Variants in KIFC3 observed in about 807,000 individuals in gnomAD.
The protein encoded by KIFC3 is kinesin-like protein KIFC3.
Under a neutral mutation model 101.8 loss-of-function variants are expected in KIFC3, and 60 were observed. The ratio of observed to expected loss-of-function variants is 0.59; its 90% confidence interval spans 0.48 to 0.73. The LOEUF is 0.73. KIFC3 is among the 30% of genes least tolerant of loss of function. The pLI, the probability that KIFC3 is intolerant of heterozygous loss-of-function variation, is 0.00. For missense variants in KIFC3, 966 were observed against 1,137.1 expected (o/e 0.85, Z 2.16); for synonymous variants, 476 against 482.7 (o/e 0.99, Z 0.18).
At chr16:57,816,354 CTCCTGGCTTCCTCTTG>C in intron 1 of KIFC3, 1 of 935,224 alleles carries the variant, frequency 1.1e-6, no homozygotes, top group Non-Finnish European at 1.5e-6. Context: ...GGGCCTGCCC[CTCCTGGCTTCCTCTTG>C]AGGAAGGCCT....
At chr16:57,763,086 T>C (rs1597885412) in intron 12 of KIFC3, among the ~76,000 whole-genome samples, 1 of 152,196 alleles carries the variant, frequency 6.6e-6, no homozygotes, top group African/African-American at 2.4e-5. Context: ...CTCCCTGGCC[T>C]GACAGGACAC....
Position 57,760,302 on chromosome 16 carries a change from A to AC in KIFC3, c.2346dup (p.Ser783ValfsTer31). The AC allele has an allele frequency of 6.2e-7, 1 of 1,613,530 alleles. No homozygotes were observed. The highest frequency in any genetic ancestry group is 8.5e-7 in the Non-Finnish European group (1 of 1,179,798). The stretch of plus-strand genomic sequence containing the variant: ...CGTACCTCTAGATGCTCCTGGCTTG[A>AC]CCAGGACCCAAGCTCTGCCCTGCGT... On this transcript the variant is annotated frameshift_variant, in exon 17 of 20. Coordinates refer to ENST00000445690, the MANE Select transcript of KIFC3 (RefSeq NM_001130100.2). LOFTEE classifies it high-confidence loss of function.
In KIFC3 at chr16:57,758,494, C is replaced by T. The variant is rs1555590484; in HGVS notation, c.*440G>A. On this transcript the variant is annotated 3_prime_UTR_variant, in exon 20 of 20. Coordinates refer to ENST00000445690, the MANE Select transcript of KIFC3 (RefSeq NM_001130100.2). ...TGCCATTGGTGCCACCAACCCACCC[C>T]AGTCCCCATGGTTCTTGGGTCTGCC... 2.3e-6 allele frequency: 1 copy of T among 442,748 alleles called. No individual in the cohort carries two copies. Among genetic ancestry groups the T allele is most frequent in the African/African-American group, 2.0e-5 (1 of 50,254 alleles). 27.4% of individuals were successfully genotyped at this position (442,748 alleles called of 1,614,324 possible). A position where few individuals can be genotyped will look rare whatever the true frequency, so the allele number is the denominator to read the frequency against.
chr16:57,788,240 C>T (rs1049127846), intron 3 of KIFC3, among the ~76,000 whole-genome samples: 1 of 152,336 alleles, frequency 6.6e-6, no homozygotes, highest in South Asian at 2.1e-4. Flanking sequence ...GTCTGTGAGG[C>T]TGCCACCCTC....
At chr16:57,824,021 G>GC (rs1393041299) in intron 1 of KIFC3, among the ~76,000 whole-genome samples, 2 of 152,246 alleles carry the variant, frequency 1.3e-5, no homozygotes, top group Non-Finnish European at 2.9e-5. Flanking sequence ...CATGGTTCCT[G>GC]CCCTTGCAGA....
intron 1 of KIFC3, among the ~76,000 whole-genome samples, chr16:57,856,485 A>G (rs1390354849): frequency 1.5e-5 from 2 of 133,436 alleles, no homozygotes; most frequent in African/African-American, 2.7e-5. Context: ...GGAAGGAAAG[A>G]AGGGAGGGAG....
chr16:57,825,860 T>A (rs1386723890), intron 1 of KIFC3, among the ~76,000 whole-genome samples: 1 of 152,156 alleles, frequency 6.6e-6, no homozygotes, highest in African/African-American at 2.4e-5. Context: ...TTTTTCCATT[T>A]TTGTAGAGAA....
chr16:57,796,972 G>C (rs1348298919), intron 2 of KIFC3, among the ~76,000 whole-genome samples: 1 of 152,160 alleles, frequency 6.6e-6, no homozygotes, highest in Non-Finnish European at 1.5e-5. Context: ...AGACAACTGG[G>C]CTACCTGGCC....
Position 57,761,100 on chromosome 16 carries a change from G to T in KIFC3, c.1944C>A (p.His648Gln). 1 of 1,613,950 alleles carries T rather than the reference G, an allele frequency of 6.2e-7. No homozygotes were observed. Residue 648 changes from histidine to glutamine, a missense_variant, in exon 15 of 20, where the codon CAC becomes CAA. By Grantham distance (24) the His-to-Gln change is conservative. Around this residue, in one of 2 missense-constraint regions of KIFC3, gnomAD observed 689 missense variants for 884.6 expected, o/e 0.78. Transcript: ENST00000445690. ...CTCGCACCGTCACGATGAGCAGCGC[G>T]TGCGAGCGGGAGCTGTGCTCGTTCA... ...TNLNEHSSRSHALLIVTVRGV... is the reference protein window; with the variant it reads ...TNLNEHSSRSQALLIVTVRGV...
rs373157438 is a variant in KIFC3, at chr16:57,850,465, G to GTTTT, written c.108+12260_108+12263dup. Among the ~76,000 whole-genome samples, 805 of 84,106 alleles carry GTTTT rather than the reference G, an allele frequency of 9.6e-3. 48 individuals are homozygous for GTTTT. Among genetic ancestry groups the GTTTT allele is most frequent in the African/African-American group, 0.03 (611 of 20,448 alleles). The allele number at this position is 84,106 out of a possible 152,430, so 55.2% of individuals were successfully genotyped here. On this transcript the variant is annotated intron_variant, in intron 1 of 2. Coordinates refer to the KIFC3 transcript ENST00000563028. ...TAAATAAAAATAAATTTTAAAAAGG[G>GTTTT]TTTTTTTTTTTTTTTTTTTTTTTTG...
upstream of KIFC3, chr16:57,802,937 A>G (rs988244013): frequency 6.6e-7 from 1 of 1,516,344 alleles, no homozygotes; most frequent in Non-Finnish European, 8.9e-7. The surrounding 1 kb of genome is among the most constrained non-coding windows in gnomAD (Gnocchi z 5.0). Flanking sequence ...TCCCATCCCA[A>G]CACACACACA....
chr16:57,769,504 C>G lies in KIFC3; in HGVS notation c.1218+91G>C. ...GGGGCTGCTGTCTGAGCGGCTTTGTCTGAGCTTTGGAGGGACGCCCTGAGT... is the reference window on the plus strand; with the variant it reads ...GGGGCTGCTGTCTGAGCGGCTTTGTGTGAGCTTTGGAGGGACGCCCTGAGT... On this transcript the variant is annotated intron_variant, in intron 9 of 19. Transcript: ENST00000445690. This position sits in a 1 kb window ranked among gnomAD's most constrained non-coding sequence, Gnocchi z 4.3. 1 of 1,502,628 alleles carries G rather than the reference C, an allele frequency of 6.7e-7. No individual in the cohort carries two copies. Among genetic ancestry groups the G allele is most frequent in the Non-Finnish European group, 8.9e-7 (1 of 1,120,148 alleles). The allele number at this position is 1,502,628 out of a possible 1,614,324, so 93.1% of individuals were successfully genotyped here. A position where few individuals can be genotyped will look rare whatever the true frequency, so the allele number is the denominator to read the frequency against.
chr16:57,776,141 C>G, intron 3 of KIFC3: 1 of 985,408 alleles, frequency 1.0e-6, no homozygotes, highest in South Asian at 4.7e-5. Flanking sequence ...TCCCACCAAG[C>G]CCAGTCAACG....
Position 57,795,046 on chromosome 16 carries a change from C to T in KIFC3, c.268G>A (p.Asp90Asn). 3 of 1,601,216 alleles carry T rather than the reference C, an allele frequency of 1.9e-6. No homozygotes were observed. The highest frequency in any genetic ancestry group is 2.6e-6 in the Non-Finnish European group (3 of 1,175,220). ...TGGGGGCTTCCGGGGCCAGCCCAGTCCACGCTAAGGGCTCGGCACTGAGCT... is the reference window on the plus strand; with the variant it reads ...TGGGGGCTTCCGGGGCCAGCCCAGTTCACGCTAAGGGCTCGGCACTGAGCT... ...ALAQCRALSV[D>N]WAGPGSPHGL... Residue 90 changes from aspartate (D) to asparagine (N), a missense_variant, in exon 3 of 20, where the codon GAC becomes AAC. Physicochemically the swap from Asp to Asn is conservative, Grantham distance 23. Transcript: ENST00000445690.
rs66460592 is a variant in KIFC3, at chr16:57,844,434, G to GAA, written c.108+18293_108+18294dup. On this transcript the variant is annotated intron_variant, in intron 1 of 2. Coordinates refer to the KIFC3 transcript ENST00000563028. ...CGACAGAGCAAGACTCAGTCTCAGG[G>GAA]AAAAAAAAAAAAAAAAAAAGGCAGC... 5.1e-3 allele frequency among the ~76,000 whole-genome samples: 598 copies of GAA among 117,900 alleles called. 6 individuals carry two copies. The highest frequency in any genetic ancestry group is 0.025 in the East Asian group (101 of 4,016). 77.3% of individuals were successfully genotyped at this position (117,900 alleles called of 152,430 possible).
At chr16:57,825,417 G>A (rs1555630627) in intron 1 of KIFC3, among the ~76,000 whole-genome samples, 1 of 152,204 alleles carries the variant, frequency 6.6e-6, no homozygotes, top group African/African-American at 2.4e-5. Flanking sequence ...ATTATAACAA[G>A]GATATGAGCT....
chr16:57,774,943 A>G, intron 3 of KIFC3: 1 of 1,491,188 alleles, frequency 6.7e-7, no homozygotes, highest in Non-Finnish European at 8.9e-7. Context: ...CCTCCCCAGA[A>G]AGGCTGCTGC....
At chr16:57,759,928 T>TA (rs2049629141) in intron 17 of KIFC3, 92 bp from the exon 18 acceptor site, 1 of 931,972 alleles carries the variant, frequency 1.1e-6, no homozygotes, top group Middle Eastern at 3.1e-4. Context: ...CCCTGCCTCC[T>TA]AACACCCAGT....
chr16:57,761,360 A>T, intron 14 of KIFC3, 53 bp downstream of exon 14: 1 of 1,611,246 alleles, frequency 6.2e-7, no homozygotes, highest in Non-Finnish European at 8.5e-7. Context: ...ATTCAAACCC[A>T]GTTGTGTCCT....
Sources: gnomAD v4.1 joint callset for allele counts (sites outside exome capture counted in the v4.1 genomes callset) on GRCh38, gnomAD v4.1.1 for gene constraint, gnomAD v4.1.1 regional missense constraint, Gnocchi (gnomAD v3.1) non-coding constraint, MANE v1.5 for transcripts, NCBI Gene and HGNC (gene_info 2026-07-23, HGNC 2026-07-21) for gene names.